Variants in HDAC9 observed in about 807,000 individuals in gnomAD.
HDAC9 encodes the protein histone deacetylase 9, also known as MEF-2 interacting transcription repressor (MITR) protein.
In HDAC9, 41 loss-of-function variants were observed where a neutral mutation model predicts 139.4. That is an observed-to-expected ratio of 0.29 (90% CI 0.23 to 0.38). The LOEUF (loss-of-function observed/expected upper bound fraction) is 0.38. Among genes scored for constraint, HDAC9 ranks in the 10% least tolerant of loss-of-function variants. The pLI is 1.00. For missense variants in HDAC9, 1,147 were observed against 1,297.0 expected (o/e 0.88, Z 1.78); for synonymous variants, 517 against 476.2 (o/e 1.09, Z -1.12).
chr7:18,346,078 G>C (rs1397236497), intron 1 of HDAC9, among the ~76,000 whole-genome samples: 2 of 152,024 alleles, frequency 1.3e-5, no homozygotes, highest in Admixed American at 1.3e-4. Flanking sequence ...ACAACATTCT[G>C]AATTTTTGAA....
intron 2 of HDAC9, among the ~76,000 whole-genome samples, chr7:18,583,060 G>C (rs73313265): frequency 0.025 from 3,844 of 152,114 alleles, 157 homozygotes; most frequent in African/African-American, 0.088. Context: ...TGATCTAGAT[G>C]TTTTAGTATT....
chr7:18,845,711 G>A (rs1456690283), intron 21 of HDAC9, among the ~76,000 whole-genome samples: 4 of 152,104 alleles, frequency 2.6e-5, no homozygotes, highest in Non-Finnish European at 4.4e-5. Flanking sequence ...GCTGAAAATT[G>A]TTCTTGTAAT....
intron 12 of HDAC9, among the ~76,000 whole-genome samples, chr7:18,690,407 C>G (rs1448971207): frequency 2.6e-5 from 4 of 152,010 alleles, no homozygotes; most frequent in East Asian, 1.9e-4. Context: ...CTTTGACTCT[C>G]CTTTGCAGAG....
At chr7:18,509,383 T>C in intron 2 of HDAC9, 1 of 985,460 alleles carries the variant, frequency 1.0e-6, no homozygotes, top group Non-Finnish European at 1.2e-6. Context: ...TCAAGAAGAC[T>C]GAGACCGAGC....
Position 18,647,897 on chromosome 7 carries a change from A to G in HDAC9, c.1148A>G (p.His383Arg), listed in dbSNP as rs1291632392. 6.2e-7 allele frequency: 1 copy of G among 1,612,902 alleles called. No homozygotes were observed. Among genetic ancestry groups the G allele is most frequent in the Non-Finnish European group, 8.5e-7 (1 of 1,179,432 alleles). Residue 383 changes from histidine to arginine, a missense_variant, in exon 10 of 26, where the codon CAT (histidine) becomes CGT (arginine). Physicochemically the swap from His to Arg is conservative, Grantham distance 29 (BLOSUM62 0). Coordinates refer to ENST00000686413, the MANE Select transcript of HDAC9 (RefSeq NM_178425.4). ...GSIPASSSHP[H>R]VTLEGKPPNS... ...ATCCCGGCATCTTCCAGCCACCCTC[A>G]TGTTACTTTAGAGGGAAAGCCACCC...
chr7:18,938,264 A>G (rs527647974), intron 23 of HDAC9, among the ~76,000 whole-genome samples: 3 of 147,456 alleles, frequency 2.0e-5, no homozygotes, highest in South Asian at 2.1e-4. Context: ...ATTGATGGCA[A>G]TATGAGAGAT....
At chr7:18,374,423 A>G (rs532635693) in intron 1 of HDAC9, among the ~76,000 whole-genome samples, 35 of 152,158 alleles carry the variant, frequency 2.3e-4, no homozygotes, top group African/African-American at 7.9e-4. Flanking sequence ...CCTAGAGAGT[A>G]TAGCCTACTA....
At position 18,647,876 on chromosome 7, in the gene HDAC9, C is replaced by T. The variant is rs368603324; in HGVS notation, c.1127C>T (p.Pro376Leu). Reference protein sequence around the residue: ...PLPGQYGGSIPASSSHPHVTL... With the variant: ...PLPGQYGGSILASSSHPHVTL... Reference sequence around the variant, plus strand: ...CCTGGGCAGTATGGAGGCAGCATCCCGGCATCTTCCAGCCACCCTCATGTT... The same window carrying T: ...CCTGGGCAGTATGGAGGCAGCATCCTGGCATCTTCCAGCCACCCTCATGTT... The change falls in exon 10 of 26, where the codon CCG (proline) becomes CTG (leucine). Residue 376 changes from proline (P) to leucine (L), a missense_variant. Pro to Leu is a moderately conservative substitution (Grantham distance 98). Coordinates refer to ENST00000686413, the MANE Select transcript of HDAC9 (RefSeq NM_178425.4). The T allele has an allele frequency of 2.4e-5, 38 of 1,612,448 alleles. No individual in the cohort carries two copies. The highest frequency in any genetic ancestry group is 2.1e-4 in the African/African-American group (16 of 74,904).
chr7:18,099,891 C>G (rs907517675), intron 1 of HDAC9, among the ~76,000 whole-genome samples: 1 of 152,132 alleles, frequency 6.6e-6, no homozygotes, highest in Non-Finnish European at 1.5e-5. Context: ...AAACAGAAAT[C>G]TTTTGTATTT....
In HDAC9 at chr7:18,733,101, A is replaced by C. The variant is rs559263263; in HGVS notation, c.1909+5344A>C. Among the ~76,000 whole-genome samples, 4 of 145,950 alleles carry C rather than the reference A, an allele frequency of 2.7e-5. No individual in the cohort carries two copies. The East Asian group carries it at 6.1e-4, about 22-fold the overall frequency. On this transcript the variant is annotated intron_variant, in intron 13 of 25. Transcript: ENST00000686413. The stretch of plus-strand genomic sequence containing the variant: ...TGTATACACATATATACATGTGTAT[A>C]TATACATATATATGTGTATACATGT...
intron 22 of HDAC9, among the ~76,000 whole-genome samples, chr7:18,903,793 T>C (rs992230667): frequency 6.6e-6 from 1 of 152,222 alleles, no homozygotes. Flanking sequence ...TCACCGTTAG[T>C]CGAGAATGTA....
chr7:18,733,335 G>A (rs1786569489), intron 13 of HDAC9, among the ~76,000 whole-genome samples: 1 of 150,064 alleles, frequency 6.7e-6, no homozygotes, highest in Admixed American at 6.6e-5. Context: ...GTATATATGT[G>A]TATGTGTGTG....
intron 2 of HDAC9, among the ~76,000 whole-genome samples, chr7:18,190,981 T>C (rs962862762): frequency 1.3e-5 from 2 of 152,200 alleles, no homozygotes; most frequent in African/African-American, 4.8e-5. Context: ...TACTATTAAG[T>C]GATAATTTTT....
At chr7:18,496,100 A>G (rs1796864786) in intron 1 of HDAC9, 77 bp downstream of exon 1, 1 of 1,408,438 alleles carries the variant, frequency 7.1e-7, no homozygotes, top group African/African-American at 1.4e-5. Flanking sequence ...TCATTGTCGA[A>G]GTTGATCCTC....
At chr7:18,838,750 T>TA (rs1221055802) in intron 21 of HDAC9, among the ~76,000 whole-genome samples, 1 of 151,858 alleles carries the variant, frequency 6.6e-6, no homozygotes, top group Non-Finnish European at 1.5e-5. Context: ...GGGGAAAGAG[T>TA]AAATGGTGCC....
intron 3 of HDAC9, 136 bp downstream of exon 3, chr7:18,585,658 AT>A: frequency 8.4e-7 from 1 of 1,187,308 alleles, no homozygotes; most frequent in Non-Finnish European, 1.2e-6. Flanking sequence ...GGGAATTGTG[AT>A]TTTACTAGTG....
intron 2 of HDAC9, among the ~76,000 whole-genome samples, chr7:18,206,661 A>G (rs1262546919): frequency 1.3e-5 from 2 of 152,142 alleles, no homozygotes; most frequent in African/African-American, 2.4e-5. Context: ...TTTGTTTCCT[A>G]TGTGAATCAT....
chr7:18,367,887 G>A (rs1038832750), intron 1 of HDAC9, among the ~76,000 whole-genome samples: 3 of 152,042 alleles, frequency 2.0e-5, no homozygotes, highest in Non-Finnish European at 2.9e-5. Flanking sequence ...GAGAATGTTC[G>A]TGTGATCATT....
In HDAC9 at chr7:18,732,654, T is replaced by C. The variant is rs571369063; in HGVS notation, c.1909+4897T>C. On this transcript the variant is annotated intron_variant, in intron 13 of 25. Coordinates refer to ENST00000686413, the MANE Select transcript of HDAC9 (RefSeq NM_178425.4). ...GTATATGTGTGCATATGTGTATATA[T>C]ACACACACACGTGTATATGTGTGCG... Among the ~76,000 whole-genome samples, 1,001 of 104,362 alleles carry C rather than the reference T, an allele frequency of 9.6e-3. 87 individuals are homozygous for C. The highest frequency in any genetic ancestry group is 9.6e-3 in the Non-Finnish European group (534 of 55,590). The allele number at this position is 104,362 out of a possible 152,430, so 68.5% of individuals were successfully genotyped here.
Sources: allele counts gnomAD v4.1 joint callset (sites outside exome capture counted in the v4.1 genomes callset), GRCh38; gene constraint gnomAD v4.1.1; transcripts MANE v1.5; gene names NCBI Gene and HGNC (gene_info 2026-07-23, HGNC 2026-07-21).